XKR9: variants seen among roughly 807,000 people sequenced by gnomAD.
XKR9 encodes XK-related protein 9.
Under a neutral mutation model 32.0 loss-of-function variants are expected in XKR9, and 32 were observed. The ratio of observed to expected loss-of-function variants is 1.00; its 90% CI spans 0.76 to 1.34. The LOEUF (loss-of-function observed/expected upper bound fraction) is 1.34, where lower values mean the gene tolerates loss of function less well. Among genes scored for constraint, XKR9 ranks in the 40% most tolerant of loss-of-function variants. The pLI is 0.00. For synonymous variants in XKR9, 168 were observed against 143.4 expected, an observed-to-expected ratio of 1.17 and a Z score of -1.22; for missense variants, 546 against 429.7, an observed-to-expected ratio of 1.27 and a Z score of -2.39.
At chr8:70,810,329 C>T in the XKR9 span, among the ~76,000 whole-genome samples, 1 of 152,160 alleles carries the variant, frequency 6.6e-6, no homozygotes, top group Non-Finnish European at 1.5e-5. Context: ...ACAGCCACTG[C>T]AAAAACATGC....
At chr8:70,727,327 GTTT>G (rs34535585) in intron 4 of XKR9, among the ~76,000 whole-genome samples, 3 of 143,090 alleles carry the variant, frequency 2.1e-5, no homozygotes, top group African/African-American at 5.2e-5. Context: ...AAGAAGACAA[GTTT>G]TTTTTTTTTT....
chr8:70,711,171 T>G (rs1393616723), intron 4 of XKR9, among the ~76,000 whole-genome samples: 2 of 152,222 alleles, frequency 1.3e-5, no homozygotes, highest in East Asian at 3.8e-4. Context: ...ATACAAACTG[T>G]TGGTGGGAAT....
At chr8:70,921,677 A>G in the XKR9 span, among the ~76,000 whole-genome samples, 1 of 152,248 alleles carries the variant, frequency 6.6e-6, no homozygotes, top group Admixed American at 6.5e-5. Flanking sequence ...GTGTAATTTT[A>G]TGGCAGACAA....
chr8:70,817,978 G>T, the XKR9 span, among the ~76,000 whole-genome samples: 2 of 152,086 alleles, frequency 1.3e-5, no homozygotes, highest in South Asian at 2.1e-4. Flanking sequence ...TGGGTTAAAG[G>T]TTTAGATGTA....
the XKR9 span, among the ~76,000 whole-genome samples, chr8:70,876,775 G>A: frequency 6.6e-6 from 1 of 151,826 alleles, no homozygotes; most frequent in Non-Finnish European, 1.5e-5. Context: ...TCTTGCATTG[G>A]GTTCTTTCTC....
At chr8:71,019,483 C>T in the XKR9 span, among the ~76,000 whole-genome samples, 1 of 152,206 alleles carries the variant, frequency 6.6e-6, no homozygotes, top group East Asian at 1.9e-4. Context: ...GACGGAGGCT[C>T]ACACCAGCAG....
chr8:70,756,674 G>T (rs117399494), intron 2 of XKR9, among the ~76,000 whole-genome samples: 2,368 of 152,262 alleles, frequency 0.016, 34 homozygotes, highest in Non-Finnish European at 0.023. Context: ...CATTGCAAAT[G>T]TATAGACATA....
At chr8:71,051,514 G>T in the XKR9 span, among the ~76,000 whole-genome samples, 1 of 101,870 alleles carries the variant, frequency 9.8e-6, no homozygotes, top group East Asian at 2.0e-4. Flanking sequence ...TGCTGGTGGC[G>T]GTGGTGGTGG....
the XKR9 span, among the ~76,000 whole-genome samples, chr8:70,814,423 C>T: frequency 6.6e-6 from 1 of 151,160 alleles, no homozygotes; most frequent in East Asian, 1.9e-4. Flanking sequence ...GCACATGTAC[C>T]CTAAAACTTA....
At chr8:71,033,229 A>T in the XKR9 span, among the ~76,000 whole-genome samples, 1 of 152,216 alleles carries the variant, frequency 6.6e-6, no homozygotes, top group African/African-American at 2.4e-5. Context: ...AGACTCCCCC[A>T]CTACCAGTGT....
chr8:70,812,219 A>G, the XKR9 span, among the ~76,000 whole-genome samples: 1 of 152,214 alleles, frequency 6.6e-6, no homozygotes, highest in Non-Finnish European at 1.5e-5. Context: ...GATGCAGAAA[A>G]GGCCTTTGAC....
the XKR9 span, among the ~76,000 whole-genome samples, chr8:70,946,940 G>A: frequency 2.0e-5 from 3 of 152,116 alleles, no homozygotes; most frequent in Non-Finnish European, 4.4e-5. Flanking sequence ...CTTTACAGCC[G>A]AAAGAAGTGT....
the XKR9 span, among the ~76,000 whole-genome samples, chr8:70,840,878 G>A: frequency 6.6e-6 from 1 of 152,086 alleles, no homozygotes; most frequent in South Asian, 2.1e-4. Context: ...AAAAAATTGA[G>A]AAACAAAGTG....
chr8:70,733,019 A>C (rs952396393), intron 4 of XKR9, among the ~76,000 whole-genome samples: 3 of 152,224 alleles, frequency 2.0e-5, no homozygotes, highest in Non-Finnish European at 2.9e-5. Context: ...CAGGAGGCTG[A>C]GGCAGGTGAA....
chr8:70,872,492 GATC>G, the XKR9 span, among the ~76,000 whole-genome samples: 1 of 152,214 alleles, frequency 6.6e-6, no homozygotes, highest in Admixed American at 6.5e-5. Flanking sequence ...ATTTAGCTAA[GATC>G]ATTGATGAGG....
At chr8:70,815,916 C>T in the XKR9 span, among the ~76,000 whole-genome samples, 4 of 152,028 alleles carry the variant, frequency 2.6e-5, no homozygotes, top group Non-Finnish European at 4.4e-5. Flanking sequence ...AAGTTGATTC[C>T]GTGTCTTTGC....
the XKR9 span, among the ~76,000 whole-genome samples, chr8:70,952,153 T>TACAC: frequency 4.1e-3 from 608 of 148,202 alleles, 4 homozygotes; most frequent in African/African-American, 0.012. Flanking sequence ...AGAAAACCTT[T>TACAC]ACACACACAC....
rs1357251858 is a variant in XKR9, at chr8:70,771,435, G to A, written n.353-17904G>A. On this transcript the variant is annotated intron_variant and non_coding_transcript_variant, in intron 2 of 3. Coordinates refer to the XKR9 transcript ENST00000520273. ...CTTATTGACTTGAAATTTTTATTTT[G>A]TGGTCCAAGTGATTACTAAATTTTT... is the stretch of plus-strand genomic sequence containing the variant. 3.9e-5 allele frequency among the ~76,000 whole-genome samples: 6 copies of A among 152,190 alleles called. No individual in the cohort carries two copies. The East Asian group carries it at 1.2e-3, about 29-fold the overall frequency.
At chr8:70,843,683 G>T in the XKR9 span, among the ~76,000 whole-genome samples, 1 of 152,110 alleles carries the variant, frequency 6.6e-6, no homozygotes, top group Non-Finnish European at 1.5e-5. Flanking sequence ...GACCACGAGT[G>T]GTTCACATTT....
Sources: allele counts gnomAD v4.1 joint callset (sites outside exome capture counted in the v4.1 genomes callset), GRCh38; gene constraint gnomAD v4.1.1; transcripts MANE v1.5; gene names NCBI Gene and HGNC (gene_info 2026-07-23, HGNC 2026-07-21).